The following ANKRD30A variants were observed in gnomAD, a reference collection of about 807,000 sequenced individuals.
The protein encoded by ANKRD30A is ankyrin repeat domain 30A.
ANKRD30A carries 170 observed loss-of-function variants against 166.3 expected under a neutral mutation model. The observed-to-expected ratio is 1.02, with a 90% CI of 0.90 to 1.16. The LOEUF is 1.16. ANKRD30A is among the 50% of genes most tolerant of loss of function. ANKRD30A has a pLI of 0.00. For missense variants in ANKRD30A, 1,630 were observed against 1,518.0 expected, an observed-to-expected ratio of 1.07 and a Z score of -1.23; for synonymous variants, 564 against 508.9, an observed-to-expected ratio of 1.11 and a Z score of -1.46.
At chr10:37,158,612 T>C (rs1259780060) in intron 15 of ANKRD30A, 26 bp downstream of exon 15, 1 of 1,610,202 alleles carries the variant, frequency 6.2e-7, no homozygotes, top group Non-Finnish European at 8.5e-7. Flanking sequence ...TTAATTTTAC[T>C]CTGGAAAGGA....
chr10:37,201,127 TG>T, intron 30 of ANKRD30A, 107 bp from the exon 31 acceptor site: 1 of 872,140 alleles, frequency 1.1e-6, no homozygotes. Flanking sequence ...TTGAATTGCT[TG>T]CAAAATAGGA....
rs374037740 is a variant in ANKRD30A, at chr10:37,152,110, T to G, written c.1696T>G (p.Trp566Gly). 2.5e-6 allele frequency: 4 copies of G among 1,608,436 alleles called. No individual in the cohort carries two copies. The highest frequency in any genetic ancestry group is 1.6e-4 in the Middle Eastern group (1 of 6,062). Residue 566 changes from tryptophan (W) to glycine (G), a missense_variant, in exon 12 of 36, where the codon TGG (tryptophan) becomes GGG (glycine). Physicochemically the swap from Trp to Gly is radical, Grantham distance 184 (BLOSUM62 -2). Coordinates refer to ENST00000361713, the MANE Select transcript of ANKRD30A (RefSeq NM_052997.3). Reference sequence around the variant, plus strand: ...ACAAAAGGACTATGAAGAAAATTCTTGGGATTCTGAGGTACTATGTGTTAT... The same window carrying G: ...ACAAAAGGACTATGAAGAAAATTCTGGGGATTCTGAGGTACTATGTGTTAT... The part of the protein sequence containing the change: ...SKQKDYEENS[W>G]DSESLCETVS...
At chr10:37,265,561 A>G in the ANKRD30A span, among the ~76,000 whole-genome samples, 1 of 152,162 alleles carries the variant, frequency 6.6e-6, no homozygotes, top group Admixed American at 6.5e-5. Flanking sequence ...CTCTTTCTCA[A>G]ACAGCCAAAT....
intron 32 of ANKRD30A, among the ~76,000 whole-genome samples, chr10:37,216,758 C>A (rs760548526): frequency 4.6e-5 from 7 of 151,032 alleles, no homozygotes; most frequent in East Asian, 3.9e-4. Flanking sequence ...GAAATAAATT[C>A]TTCAATATAA....
the ANKRD30A span, among the ~76,000 whole-genome samples, chr10:37,263,535 C>A: frequency 6.6e-6 from 1 of 151,558 alleles, no homozygotes; most frequent in Non-Finnish European, 1.5e-5. Flanking sequence ...GAGAGATCAT[C>A]AGGCATTAAA....
intron 31 of ANKRD30A, among the ~76,000 whole-genome samples, chr10:37,214,579 A>G (rs1185061032): frequency 6.8e-6 from 1 of 148,072 alleles, no homozygotes; most frequent in Non-Finnish European, 1.5e-5. Context: ...TTTTTTAGTT[A>G]TTGATCTAGT....
intron 13 of ANKRD30A, among the ~76,000 whole-genome samples, chr10:37,157,216 C>T (rs1351682526): frequency 8.5e-5 from 13 of 152,140 alleles, no homozygotes; most frequent in Non-Finnish European, 1.8e-4. Context: ...ACACCTGGCA[C>T]GGTGTAACAA....
Position 37,164,960 on chromosome 10 carries a change from T to C in ANKRD30A, c.2003-134T>C, listed in dbSNP as rs182254838. 187 of 888,170 alleles carry C rather than the reference T, an allele frequency of 2.1e-4. 1 individual carries two copies. The East Asian group carries it at 4.1e-3, about 20-fold the overall frequency. 55.0% of individuals were successfully genotyped at this position (888,170 alleles called of 1,614,324 possible). A position where few individuals can be genotyped will look rare whatever the true frequency, so the allele number is the denominator to read the frequency against. On this transcript the variant is annotated intron_variant, in intron 17 of 35. Transcript: ENST00000361713. Reference sequence around the variant, plus strand: ...GGAATGACTATAGAAGTAGTCATTGTAATCAACAAAAAGAACATATGGGCC... The same window carrying C: ...GGAATGACTATAGAAGTAGTCATTGCAATCAACAAAAAGAACATATGGGCC...
chr10:37,161,146 GTGATGCTGA>G (rs1838826634), intron 15 of ANKRD30A, among the ~76,000 whole-genome samples: 1 of 152,162 alleles, frequency 6.6e-6, no homozygotes, highest in Non-Finnish European at 1.5e-5. Flanking sequence ...AAGTTCTCAG[GTGATGCTGA>G]TGCTGGTGGT....
intron 4 of ANKRD30A, 100 bp from the exon 5 acceptor site, chr10:37,133,816 T>C: frequency 7.2e-7 from 1 of 1,385,982 alleles, no homozygotes. Flanking sequence ...CTCAAGATAC[T>C]TATGTTTGTT....
chr10:37,128,438 A>T (rs1321201118), intron 1 of ANKRD30A, among the ~76,000 whole-genome samples: 1 of 151,970 alleles, frequency 6.6e-6, no homozygotes, highest in Non-Finnish European at 1.5e-5. Flanking sequence ...GAATCTTTTT[A>T]TCTGTGCTTA....
At chr10:37,155,152 C>T (rs1468494864) in intron 13 of ANKRD30A, among the ~76,000 whole-genome samples, 1 of 152,016 alleles carries the variant, frequency 6.6e-6, no homozygotes, top group Admixed American at 6.5e-5. Context: ...AGGTATTTTA[C>T]TGATTTTAAC....
At chr10:37,249,242 T>C in the ANKRD30A span, among the ~76,000 whole-genome samples, 92,912 of 152,040 alleles carry the variant, frequency 0.61, 28,561 homozygotes, top group East Asian at 0.78. Context: ...GAGATTCTTA[T>C]TGTTTCTGTT....
intron 1 of ANKRD30A, among the ~76,000 whole-genome samples, chr10:37,127,583 C>T (rs1316275956): frequency 6.6e-6 from 1 of 152,076 alleles, no homozygotes. Flanking sequence ...CAACAAAAAA[C>T]CCTCTAATTT....
the ANKRD30A span, among the ~76,000 whole-genome samples, chr10:37,248,919 G>A: frequency 1.5e-3 from 227 of 152,280 alleles, 2 homozygotes; most frequent in Admixed American, 0.014. Context: ...GGCCAGTGCA[G>A]GGGTGAGATG....
At chr10:37,191,245 G>A (rs1230614135) in intron 25 of ANKRD30A, among the ~76,000 whole-genome samples, 4 of 151,512 alleles carry the variant, frequency 2.6e-5, no homozygotes, top group Non-Finnish European at 5.9e-5. Flanking sequence ...CAAAAATGTT[G>A]GCATACTATT....
intron 1 of ANKRD30A, 123 bp downstream of exon 1, chr10:37,126,131 G>A: frequency 9.5e-7 from 1 of 1,047,608 alleles, no homozygotes; most frequent in Non-Finnish European, 1.4e-6. Flanking sequence ...GTAACGGGCA[G>A]CGGGGCAGCC....
chr10:37,238,221 T>C, the ANKRD30A span, among the ~76,000 whole-genome samples: 1 of 152,156 alleles, frequency 6.6e-6, no homozygotes, highest in Admixed American at 6.5e-5. Flanking sequence ...CAGCAGTTCT[T>C]TGTGGGGTAA....
the ANKRD30A span, among the ~76,000 whole-genome samples, chr10:37,262,301 G>T: frequency 6.6e-6 from 1 of 152,196 alleles, no homozygotes; most frequent in African/African-American, 2.4e-5. Flanking sequence ...TTCTGGAAGT[G>T]AATCTGCCTG....
Sources: allele counts gnomAD v4.1 joint callset (sites outside exome capture counted in the v4.1 genomes callset), GRCh38; gene constraint gnomAD v4.1.1; transcripts MANE v1.5; gene names NCBI Gene and HGNC (gene_info 2026-07-23, HGNC 2026-07-21).